MON2: variants seen among roughly 807,000 people sequenced by gnomAD.
MON2 encodes MON2 regulator of endosome-to-Golgi trafficking.
Under a neutral mutation model 208.6 loss-of-function variants are expected in MON2, and 84 were observed. The ratio of observed to expected loss-of-function variants is 0.40; its 90% confidence interval spans 0.34 to 0.48. MON2 has a LOEUF of 0.48. Among genes scored for constraint, MON2 ranks in the 20% least tolerant of loss-of-function variants. The pLI is 0.59. For synonymous variants in MON2, 660 were observed against 694.0 expected, an observed-to-expected ratio of 0.95 and a Z score of 0.77; for missense variants, 1,611 against 2,015.4, an observed-to-expected ratio of 0.80 and a Z score of 3.84.
chr12:62,578,465 C>A lies in MON2; in HGVS notation c.4535C>A (p.Ser1512Tyr). The change falls in exon 31 of 35, where the codon TCT becomes TAT. Residue 1512 changes from serine (S) to tyrosine (Y), a missense_variant. By Grantham distance (144) the Ser-to-Tyr change is moderately radical. Coordinates refer to ENST00000393630, the MANE Select transcript of MON2 (RefSeq NM_015026.3). The part of the protein sequence containing the change: ...FTKSIPPDNL[S>Y]IQEFQRNENI... ...TTTAGCATACCTCCAGATAATCTCT[C>A]TATTCAAGAGTTTCAAAGAAATGAA... The A allele has an allele frequency of 6.8e-7, 1 of 1,477,464 alleles. No homozygotes were observed. Among genetic ancestry groups the A allele is most frequent in the South Asian group, 1.3e-5 (1 of 79,186 alleles). 91.5% of individuals were successfully genotyped at this position (1,477,464 alleles called of 1,614,324 possible).
chr12:62,588,853 C>T, intron 34 of MON2: 2 of 1,459,092 alleles, frequency 1.4e-6, no homozygotes, highest in South Asian at 1.3e-5. Context: ...TTTCATTATC[C>T]AGCTTGTATC....
chr12:62,590,960 A>G (rs1380025037), intron 34 of MON2, among the ~76,000 whole-genome samples: 1 of 152,214 alleles, frequency 6.6e-6, no homozygotes, highest in Non-Finnish European at 1.5e-5. Flanking sequence ...AGCCTAAAAC[A>G]TATTTTAATT....
rs2068542183 is a variant in MON2 at position 62,466,881 on chromosome 12, T to A, written c.-327T>A. 8.7e-6 allele frequency: 4 copies of A among 461,966 alleles called. No individual in the cohort carries two copies. Among genetic ancestry groups the A allele is most frequent in the Non-Finnish European group, 1.5e-5 (4 of 260,878 alleles). 28.6% of individuals were successfully genotyped at this position (461,966 alleles called of 1,614,324 possible). ...GGGCCTGGGGAGCTGGCGCTGAAGCTTCTTGCCAGGTTGGCTGGTGACACC... is the reference window on the plus strand; with the variant it reads ...GGGCCTGGGGAGCTGGCGCTGAAGCATCTTGCCAGGTTGGCTGGTGACACC... On this transcript the variant is annotated 5_prime_UTR_variant, in exon 1 of 35. Coordinates refer to ENST00000393630, the MANE Select transcript of MON2 (RefSeq NM_015026.3).
intron 12 of MON2, among the ~76,000 whole-genome samples, chr12:62,533,305 G>T (rs868729463): frequency 2.0e-5 from 3 of 152,154 alleles, no homozygotes; most frequent in Non-Finnish European, 4.4e-5. Context: ...TTAATACAAT[G>T]TCAGCCTGGT....
intron 30 of MON2, among the ~76,000 whole-genome samples, chr12:62,577,159 A>G (rs2074823087): frequency 6.6e-6 from 1 of 152,038 alleles, no homozygotes; most frequent in Non-Finnish European, 1.5e-5. Flanking sequence ...CTAGAGATGC[A>G]GATATAGTCT....
intron 34 of MON2, among the ~76,000 whole-genome samples, chr12:62,590,114 A>G (rs2075348591): frequency 6.6e-6 from 1 of 152,132 alleles, no homozygotes; most frequent in Non-Finnish European, 1.5e-5. Flanking sequence ...TTTTTGAGAC[A>G]GGCTCTTGCT....
intron 30 of MON2, among the ~76,000 whole-genome samples, chr12:62,572,058 C>T (rs1162378826): frequency 1.3e-5 from 2 of 152,182 alleles, no homozygotes; most frequent in African/African-American, 4.8e-5. Context: ...GCTATTTCAA[C>T]CCCTCACTGA....
intron 23 of MON2, among the ~76,000 whole-genome samples, chr12:62,551,754 T>A (rs1266456747): frequency 1.3e-5 from 2 of 152,226 alleles, no homozygotes; most frequent in African/African-American, 4.8e-5. Flanking sequence ...TAACATTACA[T>A]GAAATAAACA....
chr12:62,548,559 A>T (rs953244830), intron 22 of MON2, among the ~76,000 whole-genome samples: 7 of 152,110 alleles, frequency 4.6e-5, no homozygotes, highest in Non-Finnish European at 7.4e-5. Flanking sequence ...TGGAAAGTTA[A>T]TTTTTCTTAA....
chr12:62,589,749 A>G (rs2075334901), intron 34 of MON2, among the ~76,000 whole-genome samples: 1 of 151,408 alleles, frequency 6.6e-6, no homozygotes, highest in African/African-American at 2.4e-5. Flanking sequence ...ATCTTTAAAA[A>G]AAAAAAAAAA....
Position 62,526,002 on chromosome 12 carries a change from G to A in MON2, c.1300G>A (p.Gly434Arg). ...AGCACCAGCTAACTCAGGAATGGTG[G>A]GGATTGGTGGAGGTGTTACTTTGCT... ...VSAPANSGMVGIGGGVTLLPA... is the reference protein window; with the variant it reads ...VSAPANSGMVRIGGGVTLLPA... Residue 434 changes from glycine (G) to arginine (R), a missense_variant, in exon 11 of 35, where the codon GGG (glycine) becomes AGG (arginine). By Grantham distance (125) the Gly-to-Arg change is moderately radical (BLOSUM62 -2). Transcript: ENST00000393630. 3 of 1,613,790 alleles carry A rather than the reference G, an allele frequency of 1.9e-6. No homozygotes were observed. Among genetic ancestry groups the A allele is most frequent in the Non-Finnish European group, 2.5e-6 (3 of 1,179,776 alleles).
At chr12:62,516,704 CTAAA>C (rs972010593) in intron 8 of MON2, among the ~76,000 whole-genome samples, 3 of 151,758 alleles carry the variant, frequency 2.0e-5, no homozygotes, top group Non-Finnish European at 4.4e-5. Flanking sequence ...AACTCCATCT[CTAAA>C]TAAATAAATA....
chr12:62,568,040 T>C (rs2074448701), intron 29 of MON2, among the ~76,000 whole-genome samples: 1 of 152,218 alleles, frequency 6.6e-6, no homozygotes. Flanking sequence ...GAATAAAAAT[T>C]GAGTTCCTCT....
intron 11 of MON2, among the ~76,000 whole-genome samples, chr12:62,530,262 G>T (rs368154977): frequency 9.5e-5 from 13 of 136,342 alleles, no homozygotes; most frequent in African/African-American, 3.7e-4. Flanking sequence ...ACGGAGTCTC[G>T]CTCTGTCACC....
In MON2 at chr12:62,529,914, AT is replaced by A. The variant is rs148070450; in HGVS notation, c.1401-2521del. On this transcript the variant is annotated intron_variant, in intron 11 of 34. Coordinates refer to ENST00000393630, the MANE Select transcript of MON2 (RefSeq NM_015026.3). ...CAGGGTAAATGTGATATTTTGATAC[AT>A]TTATATAATGTGTAGTTATCAAATC... Among the ~76,000 whole-genome samples, 1,371 of 152,266 alleles carry A rather than the reference AT, an allele frequency of 9.0e-3. 23 individuals carry two copies. The highest frequency in any genetic ancestry group is 0.031 in the African/African-American group (1,295 of 41,534).
chr12:62,584,574 G>A lies in MON2; in HGVS notation c.4700-720G>A, dbSNP rs1023935853. ...AAAAATTAGCTGGGTGTGGTGGCAC[G>A]TGCCTGTAGTCCCAGCTATTCAGGA... is the stretch of plus-strand genomic sequence containing the variant. On this transcript the variant is annotated intron_variant, in intron 32 of 34. Coordinates refer to ENST00000393630, the MANE Select transcript of MON2 (RefSeq NM_015026.3). Among the ~76,000 whole-genome samples, 35 of 151,994 alleles carry A rather than the reference G, an allele frequency of 2.3e-4. 1 individual carries two copies. The highest frequency in any genetic ancestry group is 2.2e-3 in the Admixed American group (34 of 15,266).
intron 9 of MON2, among the ~76,000 whole-genome samples, 197 bp from the exon 10 acceptor site, chr12:62,524,887 A>G (rs1266122472): frequency 6.6e-6 from 1 of 152,148 alleles, no homozygotes; most frequent in East Asian, 1.9e-4. Context: ...CTGATTTAAT[A>G]TAGCCAAAAT....
chr12:62,519,997 AGTAGAGACGGGGTTTCACCCC>A (rs2071929227), intron 8 of MON2, among the ~76,000 whole-genome samples: 1 of 152,124 alleles, frequency 6.6e-6, no homozygotes, highest in Non-Finnish European at 1.5e-5. Flanking sequence ...TTGTATTTTC[AGTAGAGACGGGGTTTCACCCC>A]GTTAGCCAGG....
intron 1 of MON2, among the ~76,000 whole-genome samples, chr12:62,480,144 G>T (rs1025617319): frequency 2.0e-5 from 3 of 152,194 alleles, no homozygotes; most frequent in African/African-American, 7.2e-5. Flanking sequence ...TGTTAAAAAT[G>T]AGGAGCTATG....
Sources: allele counts gnomAD v4.1 joint callset (sites outside exome capture counted in the v4.1 genomes callset), GRCh38; gene constraint gnomAD v4.1.1; transcripts MANE v1.5; gene names NCBI Gene and HGNC (gene_info 2026-07-23, HGNC 2026-07-21).